The following KIAA1328 variants were observed in gnomAD, a reference collection of about 807,000 sequenced individuals.
The protein encoded by KIAA1328 is KIAA1328, also known as protein hinderin.
In KIAA1328, 52 loss-of-function variants were observed where a neutral mutation model predicts 68.1. The observed-to-expected ratio is 0.76, with a 90% CI of 0.61 to 0.96. The LOEUF (loss-of-function observed/expected upper bound fraction) is 0.96, where lower values mean the gene tolerates loss of function less well. Among genes scored for constraint, KIAA1328 ranks in the 40% least tolerant of loss-of-function variants. KIAA1328 has a pLI of 0.00. For missense variants in KIAA1328, 641 were observed against 677.6 expected (o/e 0.95, Z 0.60); for synonymous variants, 232 against 239.4 (o/e 0.97, Z 0.28).
rs751805080 is a variant in KIAA1328, at chr18:36,975,176, ATTTTTTT to A, written c.576+15759_576+15765del. On this transcript the variant is annotated intron_variant, in intron 6 of 9. Transcript: ENST00000280020. ...TCCAAGGACCAAAGTACAAGCTACA[ATTTTTTT>A]TTTTTTTTTTTTTTTTTGAGACGGA... Among the ~76,000 whole-genome samples, 27 of 114,946 alleles carry A rather than the reference ATTTTTTT, an allele frequency of 2.3e-4. No homozygotes were observed. In the East Asian group the frequency reaches 2.5e-3, roughly 11 times the overall value. 75.4% of individuals were successfully genotyped at this position (114,946 alleles called of 152,430 possible).
intron 4 of KIAA1328, among the ~76,000 whole-genome samples, chr18:36,884,499 A>G (rs911354609): frequency 9.2e-5 from 14 of 152,192 alleles, no homozygotes; most frequent in African/African-American, 3.4e-4. Flanking sequence ...AACATTCATG[A>G]TTCTAATTTT....
intron 5 of KIAA1328, among the ~76,000 whole-genome samples, chr18:36,952,969 AAC>A (rs2051222784): frequency 6.6e-6 from 1 of 152,002 alleles, no homozygotes; most frequent in Non-Finnish European, 1.5e-5. Flanking sequence ...GAAAGAGAGA[AAC>A]ACAAAAAAAG....
chr18:37,042,435 T>C (rs530380516), intron 6 of KIAA1328, among the ~76,000 whole-genome samples: 1 of 152,314 alleles, frequency 6.6e-6, no homozygotes, highest in South Asian at 2.1e-4. Context: ...CTTTTTGTCA[T>C]TGGTTTATTT....
chr18:36,833,020 T>A (rs2046548257), intron 1 of KIAA1328: 1 of 151,850 alleles, frequency 6.6e-6, no homozygotes, highest in African/African-American at 2.4e-5. Flanking sequence ...TTTTTTACAT[T>A]TTTAGTAGAG....
chr18:36,898,996 T>C (rs189652134), intron 5 of KIAA1328, among the ~76,000 whole-genome samples: 5 of 152,100 alleles, frequency 3.3e-5, no homozygotes, highest in African/African-American at 1.2e-4. Flanking sequence ...TTTTCTTGCC[T>C]TCTTGCAACA....
chr18:37,056,934 C>T (rs1327067710), intron 6 of KIAA1328, among the ~76,000 whole-genome samples: 2 of 152,174 alleles, frequency 1.3e-5, no homozygotes, highest in South Asian at 2.1e-4. Context: ...TGAGCCACCA[C>T]GCCCAGCCTA....
chr18:36,933,500 C>T (rs2050388339), intron 5 of KIAA1328, among the ~76,000 whole-genome samples: 1 of 152,230 alleles, frequency 6.6e-6, no homozygotes, highest in Non-Finnish European at 1.5e-5. Context: ...GGCACACCCT[C>T]CTCCTGTGCC....
At chr18:37,139,667 C>T (rs1191352269) in intron 7 of KIAA1328, among the ~76,000 whole-genome samples, 1 of 152,168 alleles carries the variant, frequency 6.6e-6, no homozygotes, top group Non-Finnish European at 1.5e-5. Flanking sequence ...ATCTCATTGT[C>T]TCATCCCTGC....
chr18:37,063,244 C>G (rs2056222565), intron 6 of KIAA1328, among the ~76,000 whole-genome samples: 1 of 152,090 alleles, frequency 6.6e-6, no homozygotes, highest in Non-Finnish European at 1.5e-5. Flanking sequence ...GCTTTCTGCT[C>G]CAGATGTTTT....
chr18:37,154,706 AT>A (rs1340075893), intron 7 of KIAA1328, among the ~76,000 whole-genome samples: 1 of 152,142 alleles, frequency 6.6e-6, no homozygotes, highest in Non-Finnish European at 1.5e-5. Flanking sequence ...CATCAGAAAA[AT>A]CATTGACTCT....
intron 6 of KIAA1328, among the ~76,000 whole-genome samples, chr18:36,987,513 T>TA (rs149601993): frequency 0.032 from 4,722 of 147,296 alleles, 266 homozygotes; most frequent in African/African-American, 0.11. Flanking sequence ...TAAATAAAAA[T>TA]AAAAAAATAA....
At chr18:36,972,519 A>G (rs1298854261) in intron 6 of KIAA1328, among the ~76,000 whole-genome samples, 1 of 152,186 alleles carries the variant, frequency 6.6e-6, no homozygotes, top group Non-Finnish European at 1.5e-5. Context: ...AGAAGGATCA[A>G]AGATCATCAC....
At chr18:36,913,288 G>A (rs2049529435) in intron 5 of KIAA1328, among the ~76,000 whole-genome samples, 1 of 151,590 alleles carries the variant, frequency 6.6e-6, no homozygotes, top group Non-Finnish European at 1.5e-5. Flanking sequence ...AGAAGCCAAG[G>A]TGGGAGGATC....
intron 7 of KIAA1328, among the ~76,000 whole-genome samples, chr18:37,098,126 G>A (rs2151856585): frequency 6.6e-6 from 1 of 152,342 alleles, no homozygotes; most frequent in Middle Eastern, 3.4e-3. Flanking sequence ...TAGGAGTGGT[G>A]AGAGAGGGCA....
intron 9 of KIAA1328, among the ~76,000 whole-genome samples, chr18:37,175,502 T>C (rs888206213): frequency 6.6e-6 from 1 of 152,162 alleles, no homozygotes; most frequent in Non-Finnish European, 1.5e-5. Flanking sequence ...GTAACGAGCA[T>C]TTGGCTTAAT....
At chr18:37,152,400 G>C (rs1005103279) in intron 7 of KIAA1328, among the ~76,000 whole-genome samples, 7 of 152,244 alleles carry the variant, frequency 4.6e-5, no homozygotes, top group African/African-American at 1.7e-4. Context: ...CAGATGATAA[G>C]GGTCTAAAGT....
intron 7 of KIAA1328, among the ~76,000 whole-genome samples, chr18:37,113,871 A>G (rs1419014975): frequency 6.6e-6 from 1 of 152,232 alleles, no homozygotes; most frequent in African/African-American, 2.4e-5. Flanking sequence ...AGTCTCTGAT[A>G]AAACAGACTT....
intron 6 of KIAA1328, among the ~76,000 whole-genome samples, chr18:37,032,942 C>T (rs1303425926): frequency 6.6e-6 from 1 of 152,158 alleles, no homozygotes; most frequent in Non-Finnish European, 1.5e-5. Flanking sequence ...TGCCCAGCTG[C>T]ATGTTTTTTA....
intron 6 of KIAA1328, among the ~76,000 whole-genome samples, chr18:37,039,854 A>G (rs2055177405): frequency 6.6e-6 from 1 of 152,180 alleles, no homozygotes; most frequent in Admixed American, 6.5e-5. Flanking sequence ...CGTGAAATGT[A>G]GGTGTCTGTT....
Sources: gnomAD v4.1 joint callset for allele counts (sites outside exome capture counted in the v4.1 genomes callset) on GRCh38, gnomAD v4.1.1 for gene constraint, MANE v1.5 for transcripts, NCBI Gene and HGNC (gene_info 2026-07-23, HGNC 2026-07-21) for gene names.